ST18: variants seen among roughly 807,000 people sequenced by gnomAD.
ST18 encodes the protein suppression of tumorigenicity 18 protein.
In ST18, 50 loss-of-function variants were observed where a neutral mutation model predicts 110.0. The ratio of observed to expected loss-of-function variants is 0.45; its 90% CI spans 0.36 to 0.58. The LOEUF (loss-of-function observed/expected upper bound fraction) is 0.58. Ranked by LOEUF, ST18 falls within the 20% of genes least tolerant of loss-of-function variation. The pLI, the probability that ST18 is intolerant of heterozygous loss-of-function variation, is 0.00. For synonymous variants in ST18, 461 were observed against 452.4 expected (o/e 1.02, Z -0.24); for missense variants, 1,306 against 1,280.1 (o/e 1.02, Z -0.31).
At chr8:52,181,007 T>C (rs1174749054) in intron 8 of ST18, among the ~76,000 whole-genome samples, 1 of 152,218 alleles carries the variant, frequency 6.6e-6, no homozygotes, top group Non-Finnish European at 1.5e-5. Context: ...TGTTCTCATA[T>C]GGTTTTATTT....
chr8:52,336,272 C>T (rs912396308), intron 2 of ST18, among the ~76,000 whole-genome samples: 17 of 152,246 alleles, frequency 1.1e-4, no homozygotes, highest in Admixed American at 7.8e-4. Flanking sequence ...CCTCAAGCCT[C>T]CCAGGTAGGT....
At chr8:52,136,242 C>T (rs542119327) in intron 19 of ST18, among the ~76,000 whole-genome samples, 77 of 152,220 alleles carry the variant, frequency 5.1e-4, no homozygotes, top group Admixed American at 1.5e-3. Context: ...AAGGATTATG[C>T]AATTTCTTTA....
chr8:52,317,266 C>A (rs1394445027), intron 2 of ST18, among the ~76,000 whole-genome samples: 1 of 152,012 alleles, frequency 6.6e-6, no homozygotes, highest in African/African-American at 2.4e-5. Flanking sequence ...CCAGGTAGGC[C>A]CTAAATCCAA....
intron 2 of ST18, among the ~76,000 whole-genome samples, chr8:52,385,855 G>A (rs1415493877): frequency 2.0e-5 from 3 of 152,194 alleles, no homozygotes; most frequent in Non-Finnish European, 4.4e-5. Flanking sequence ...AGGGACCCCT[G>A]TCAGGGTGTT....
chr8:52,283,295 G>C (rs143489124), intron 2 of ST18, among the ~76,000 whole-genome samples: 45 of 152,342 alleles, frequency 3.0e-4, no homozygotes, highest in Non-Finnish European at 5.7e-4. Context: ...CATTGAAATG[G>C]AGATGCTGAG....
At chr8:52,306,886 T>A (rs1264279644) in intron 2 of ST18, among the ~76,000 whole-genome samples, 1 of 152,208 alleles carries the variant, frequency 6.6e-6, no homozygotes, top group Admixed American at 6.5e-5. Context: ...ACCTAATATA[T>A]TATATTATCA....
At chr8:52,166,500 C>A (rs948703942) in intron 11 of ST18, among the ~76,000 whole-genome samples, 1 of 152,136 alleles carries the variant, frequency 6.6e-6, no homozygotes, top group African/African-American at 2.4e-5. Flanking sequence ...TACCCCATCC[C>A]ATCAGAAACC....
At chr8:52,261,834 G>A (rs1367073776) in intron 2 of ST18, among the ~76,000 whole-genome samples, 1 of 152,102 alleles carries the variant, frequency 6.6e-6, no homozygotes, top group Non-Finnish European at 1.5e-5. Context: ...TCTCATTCCA[G>A]GTCATCCTAT....
intron 10 of ST18, 123 bp from the exon 11 acceptor site, chr8:52,167,109 C>T: frequency 7.6e-7 from 1 of 1,322,620 alleles, no homozygotes. Context: ...ACATTCTTCT[C>T]ACATCGCCTT....
At chr8:52,299,110 T>C (rs780479719) in intron 2 of ST18, among the ~76,000 whole-genome samples, 10 of 152,176 alleles carry the variant, frequency 6.6e-5, no homozygotes, top group Non-Finnish European at 1.3e-4. Context: ...TGCTCACTCA[T>C]CTATTTTTTT....
chr8:52,140,586 TAGA>T (rs1563642672), intron 17 of ST18, among the ~76,000 whole-genome samples: 1 of 150,626 alleles, frequency 6.6e-6, no homozygotes, highest in Non-Finnish European at 1.5e-5. Context: ...GATAGATAGA[TAGA>T]TAGATAAAAT....
intron 8 of ST18, chr8:52,199,019 A>T (rs1301388378): frequency 6.6e-6 from 1 of 151,814 alleles, no homozygotes; most frequent in Non-Finnish European, 1.5e-5. Flanking sequence ...ATTGGTACTC[A>T]TGGGGTGCCC....
In ST18 at chr8:52,276,219, T is replaced by G. The variant is rs1297306224; in HGVS notation, c.-464-46142A>C. 3.2e-3 allele frequency among the ~76,000 whole-genome samples: 4 copies of G among 1,238 alleles called. No individual in the cohort carries two copies. In the East Asian group the frequency reaches 0.067, roughly 21 times the overall value. 0.8% of individuals were successfully genotyped at this position (1,238 alleles called of 152,430 possible). ...CACAAACTACACATATACCACATAA[T>G]TACACACTACACACACCACACACAC... On this transcript the variant is annotated intron_variant, in intron 2 of 25. Transcript: ENST00000689386.
In ST18 at chr8:52,310,730, G is replaced by A. The variant is rs1055540890; in HGVS notation, c.-464-80653C>T. Among the ~76,000 whole-genome samples the A allele has an allele frequency of 7.9e-5, 12 of 152,004 alleles. 1 individual carries two copies. Among genetic ancestry groups the A allele is most frequent in the Admixed American group, 2.0e-4 (3 of 15,264 alleles). On this transcript the variant is annotated intron_variant, in intron 2 of 25. Transcript: ENST00000689386. ...TCTCTTCCTCTCTGTTTCTTCTTGC[G>A]GCCTTCAGTTTAACCAGAGAGAGGC...
chr8:52,273,396 A>G (rs1462092550), intron 2 of ST18, among the ~76,000 whole-genome samples: 1 of 152,228 alleles, frequency 6.6e-6, no homozygotes, highest in Non-Finnish European at 1.5e-5. Flanking sequence ...TTCATAGGAG[A>G]TCTTAATAAA....
intron 19 of ST18, 22 bp downstream of exon 19, chr8:52,136,568 C>G (rs769430029): frequency 6.2e-7 from 1 of 1,602,170 alleles, no homozygotes; most frequent in Non-Finnish European, 8.5e-7. Flanking sequence ...AAGGGCAAGC[C>G]GGCCACGCTT....
intron 8 of ST18, among the ~76,000 whole-genome samples, chr8:52,203,822 T>G (rs1256812003): frequency 6.6e-6 from 1 of 152,150 alleles, no homozygotes; most frequent in Non-Finnish European, 1.5e-5. Context: ...ACCCGTGCAG[T>G]GCTTGAGCAA....
chr8:52,223,721 G>A (rs2087968860), intron 3 of ST18, among the ~76,000 whole-genome samples: 1 of 151,876 alleles, frequency 6.6e-6, no homozygotes, highest in South Asian at 2.1e-4. Flanking sequence ...AACTCAAAGT[G>A]AAAAATTTAT....
chr8:52,115,461 C>A (rs1388364501), intron 25 of ST18, among the ~76,000 whole-genome samples: 1 of 152,136 alleles, frequency 6.6e-6, no homozygotes, highest in Non-Finnish European at 1.5e-5. Context: ...CATAAGATAA[C>A]AATAGCATGT....
Sources: gnomAD v4.1 joint callset for allele counts (sites outside exome capture counted in the v4.1 genomes callset) on GRCh38, gnomAD v4.1.1 for gene constraint, MANE v1.5 for transcripts, NCBI Gene and HGNC (gene_info 2026-07-23, HGNC 2026-07-21) for gene names.